Variants in ARHGAP32 observed in about 807,000 individuals in gnomAD.
ARHGAP32 encodes rho GTPase-activating protein 32.
In ARHGAP32, 51 loss-of-function variants were observed where a neutral mutation model predicts 186.5. The ratio of observed to expected loss-of-function variants is 0.27; its 90% CI spans 0.22 to 0.35. The LOEUF (loss-of-function observed/expected upper bound fraction) is 0.35. ARHGAP32 is among the 10% of genes least tolerant of loss of function. ARHGAP32 has a pLI of 1.00. For missense variants in ARHGAP32, 2,186 were observed against 2,623.5 expected (o/e 0.83, Z 3.64); for synonymous variants, 950 against 964.3 (o/e 0.99, Z 0.27).
At chr11:129,102,835 T>C in intron 5 of ARHGAP32, among the ~76,000 whole-genome samples, 1 of 152,164 alleles carries the variant, frequency 6.6e-6, no homozygotes, top group South Asian at 2.1e-4. Flanking sequence ...TTATATGACC[T>C]AGAAGAATTA....
chr11:129,171,152 T>C (rs12279989), intron 1 of ARHGAP32, among the ~76,000 whole-genome samples: 2,968 of 152,340 alleles, frequency 0.019, 54 homozygotes, highest in African/African-American at 0.042. Context: ...TTTCTTTGGC[T>C]GTGGAGATGG....
chr11:129,099,170 T>C (rs980343077), intron 5 of ARHGAP32, among the ~76,000 whole-genome samples: 3 of 152,186 alleles, frequency 2.0e-5, no homozygotes, highest in Admixed American at 6.5e-5. Context: ...AAGACAGGGA[T>C]TGGCAGAATA....
At chr11:129,101,849 T>C (rs563238915) in intron 5 of ARHGAP32, among the ~76,000 whole-genome samples, 11 of 152,194 alleles carry the variant, frequency 7.2e-5, no homozygotes, top group Middle Eastern at 3.4e-3. Flanking sequence ...TCAGGAAATG[T>C]AGAGAATTCA....
At position 129,170,037 on chromosome 11, in the gene ARHGAP32, A is replaced by C. The variant is rs1408499630; in HGVS notation, c.117-5610T>G. On this transcript the variant is annotated intron_variant, in intron 1 of 22. Coordinates refer to ENST00000682385, the MANE Select transcript of ARHGAP32 (RefSeq NM_001378024.1). Reference sequence around the variant, plus strand: ...ATAAAACTCCTAAACAAAATATAAAATCAAACCCAGTAATATACAAAAACC... The same window carrying C: ...ATAAAACTCCTAAACAAAATATAAACTCAAACCCAGTAATATACAAAAACC... Among the ~76,000 whole-genome samples the C allele has an allele frequency of 2.0e-5, 3 of 152,142 alleles. 1 individual carries two copies. Among genetic ancestry groups the C allele is most frequent in the Non-Finnish European group, 4.4e-5 (3 of 68,034 alleles).
intron 1 of ARHGAP32, among the ~76,000 whole-genome samples, chr11:129,253,161 C>G (rs1195241320): frequency 6.6e-6 from 1 of 152,076 alleles, no homozygotes; most frequent in African/African-American, 2.4e-5. Flanking sequence ...GAAGGAACTG[C>G]CAGATAAAGA....
chr11:129,049,556 C>CG (rs1939952509), intron 10 of ARHGAP32, among the ~76,000 whole-genome samples: 1 of 152,180 alleles, frequency 6.6e-6, no homozygotes, highest in African/African-American at 2.4e-5. Flanking sequence ...CACTGCTCCT[C>CG]GGGCAATTAC....
intron 9 of ARHGAP32, 24 bp downstream of exon 9, chr11:129,063,878 C>A: frequency 1.3e-6 from 2 of 1,582,742 alleles, no homozygotes; most frequent in Non-Finnish European, 1.7e-6. Flanking sequence ...AACCAAATAA[C>A]AAACAACCAC....
chr11:129,102,886 CA>C (rs1174296732), intron 5 of ARHGAP32, among the ~76,000 whole-genome samples: 4 of 152,100 alleles, frequency 2.6e-5, no homozygotes, highest in Non-Finnish European at 4.4e-5. Context: ...ATACACCCCC[CA>C]AAGACAAAAC....
At chr11:129,018,479 T>G (rs1255320297) in intron 11 of ARHGAP32, among the ~76,000 whole-genome samples, 3 of 152,228 alleles carry the variant, frequency 2.0e-5, no homozygotes. Context: ...TTTTCAAATT[T>G]ATTAAAAGGA....
intron 1 of ARHGAP32, among the ~76,000 whole-genome samples, chr11:129,173,786 C>T (rs1439390054): frequency 6.6e-6 from 1 of 152,054 alleles, no homozygotes; most frequent in Non-Finnish European, 1.5e-5. Context: ...TACAGCTAAG[C>T]ATCACACTTA....
chr11:129,018,751 T>C (rs1219923322), intron 11 of ARHGAP32, among the ~76,000 whole-genome samples: 1 of 152,198 alleles, frequency 6.6e-6, no homozygotes, highest in Non-Finnish European at 1.5e-5. Context: ...TCTACAAATC[T>C]TTTAAATAAA....
In ARHGAP32 at chr11:128,980,754, A is replaced by G. The variant is rs774159312; in HGVS notation, c.1781-6T>C. ...CTTGGGCCTTGATAGAGAAGCTTCA[A>G]AAAGAAAAGGAAGCTGATGAAGAGA... is the stretch of plus-strand genomic sequence containing the variant. On this transcript the variant is annotated splice_polypyrimidine_tract_variant and splice_region_variant and intron_variant, in intron 17 of 22. Coordinates refer to ENST00000682385, the MANE Select transcript of ARHGAP32 (RefSeq NM_001378024.1). 3 of 1,593,438 alleles carry G rather than the reference A, an allele frequency of 1.9e-6. No homozygotes were observed. Among genetic ancestry groups the G allele is most frequent in the South Asian group, 1.1e-5 (1 of 87,680 alleles).
intron 6 of ARHGAP32, among the ~76,000 whole-genome samples, chr11:129,091,814 T>A (rs962018588): frequency 1.3e-5 from 2 of 152,050 alleles, no homozygotes; most frequent in African/African-American, 4.8e-5. Context: ...CTTCAGTAAT[T>A]TGGACCTCAG....
Position 128,968,876 on chromosome 11 carries a change from G to GA in ARHGAP32, c.*30dup. 1 of 1,429,712 alleles carries GA rather than the reference G, an allele frequency of 7.0e-7. No individual in the cohort carries two copies. The highest frequency in any genetic ancestry group is 2.7e-5 in the Admixed American group (1 of 37,138). 88.6% of individuals were successfully genotyped at this position (1,429,712 alleles called of 1,614,324 possible). A position where few individuals can be genotyped will look rare whatever the true frequency, so the allele number is the denominator to read the frequency against. On this transcript the variant is annotated 3_prime_UTR_variant, in exon 23 of 23. Coordinates refer to ENST00000682385, the MANE Select transcript of ARHGAP32 (RefSeq NM_001378024.1). ...AAATAGAACAGTCCACTGTCCAGCA[G>GA]AGGCTGCTTCAACTCTATTGCTCGC...
At chr11:129,164,824 C>T (rs1464056467) in intron 1 of ARHGAP32, among the ~76,000 whole-genome samples, 4 of 152,114 alleles carry the variant, frequency 2.6e-5, no homozygotes, top group African/African-American at 4.8e-5. Flanking sequence ...TATGGTATTT[C>T]TGGTTCCAAT....
chr11:129,049,879 A>G (rs1939967948), intron 10 of ARHGAP32, among the ~76,000 whole-genome samples: 1 of 152,174 alleles, frequency 6.6e-6, no homozygotes, highest in East Asian at 1.9e-4. Context: ...CTTTTTCTGT[A>G]AACAGTTAGA....
At chr11:128,977,011 G>A (rs1385729279) in intron 19 of ARHGAP32, among the ~76,000 whole-genome samples, 2 of 152,102 alleles carry the variant, frequency 1.3e-5, no homozygotes, top group South Asian at 2.1e-4. Flanking sequence ...TGGTGTCCTC[G>A]TAAGAAAACA....
At position 128,968,047 on chromosome 11, in the gene ARHGAP32, C is replaced by A. The variant is rs1260186170; in HGVS notation, c.*860G>T. ...ATTGAGGGGTGGGGTAAGAAGAAAA[C>A]CTGAAGGCAGGCAATGCATTAAAAG... On this transcript the variant is annotated 3_prime_UTR_variant, in exon 23 of 23. Transcript: ENST00000682385. 1 of 149,564 alleles carries A rather than the reference C, an allele frequency of 6.7e-6. No homozygotes were observed. The highest frequency in any genetic ancestry group is 1.5e-5 in the Non-Finnish European group (1 of 67,710). 9.3% of individuals were successfully genotyped at this position (149,564 alleles called of 1,614,324 possible). A position where few individuals can be genotyped will look rare whatever the true frequency, so the allele number is the denominator to read the frequency against.
chr11:129,030,893 G>T (rs573017885), intron 11 of ARHGAP32, among the ~76,000 whole-genome samples: 1 of 152,280 alleles, frequency 6.6e-6, no homozygotes, highest in South Asian at 2.1e-4. Context: ...CGTGAGATCT[G>T]GTTGTATAAG....
Sources: allele counts gnomAD v4.1 joint callset (sites outside exome capture counted in the v4.1 genomes callset), GRCh38; gene constraint gnomAD v4.1.1; transcripts MANE v1.5; gene names NCBI Gene and HGNC (gene_info 2026-07-23, HGNC 2026-07-21).